The following BSPH1 variants were observed in gnomAD, a reference collection of about 807,000 sequenced individuals.
The protein encoded by BSPH1 is binder of sperm protein homolog 1, also known as binder of sperm 1.
BSPH1 carries 21 observed loss-of-function variants against 22.5 expected under a neutral mutation model. The ratio of observed to expected loss-of-function variants is 0.93; its 90% CI spans 0.66 to 1.35. BSPH1 has a LOEUF of 1.35. Among genes scored for constraint, BSPH1 ranks in the 40% most tolerant of loss-of-function variants. BSPH1 has a pLI of 0.00. For missense variants in BSPH1, 141 were observed against 154.2 expected (o/e 0.91, Z 0.45); for synonymous variants, 42 against 53.6 (o/e 0.78, Z 0.95).
chr19:47,979,833 T>C (rs1412368789), intron 2 of BSPH1, among the ~76,000 whole-genome samples: 1 of 152,112 alleles, frequency 6.6e-6, no homozygotes, highest in Non-Finnish European at 1.5e-5. Context: ...TTCTCACAAA[T>C]TTAATTCCAA....
At chr19:47,990,205 C>T (rs1382728311) in intron 1 of BSPH1, among the ~76,000 whole-genome samples, 1 of 150,438 alleles carries the variant, frequency 6.6e-6, no homozygotes, top group Non-Finnish European at 1.5e-5. Flanking sequence ...GAATAGGCAA[C>T]AGTTCTGCAG....
Position 47,977,499 on chromosome 19 carries a change from C to A in BSPH1, c.130G>T (p.Glu44Ter). ...ITHFPEVTDG[E>*]CVFPFHYKNG... is the part of the protein sequence containing the mutation. ...TTATAGTGGAATGGAAAGACACACTCCCCATCTAGAGAAAACAAAATTCTT... is the reference window on the plus strand; with the variant it reads ...TTATAGTGGAATGGAAAGACACACTACCCATCTAGAGAAAACAAAATTCTT... The change falls in exon 4 of 6, where the codon GAG becomes TAG. Residue 44 changes from glutamate to a stop codon, truncating the protein, a stop_gained. Transcript: ENST00000344839. LOFTEE classifies it high-confidence loss of function. 2 of 1,551,452 alleles carry A rather than the reference C, an allele frequency of 1.3e-6. No homozygotes were observed. Among genetic ancestry groups the A allele is most frequent in the Admixed American group, 2.0e-5 (1 of 50,980 alleles).
intron 2 of BSPH1, chr19:47,980,298 T>C (rs867846436): frequency 4.7e-4 from 76 of 161,342 alleles, no homozygotes; most frequent in African/African-American, 1.6e-3. Flanking sequence ...AGTATATAAA[T>C]AGATACGGAA....
chr19:47,991,609 C>A (rs1478687225), intron 1 of BSPH1, among the ~76,000 whole-genome samples: 2 of 88,484 alleles, frequency 2.3e-5, no homozygotes, highest in Non-Finnish European at 4.8e-5. Context: ...CTCCTCCTCC[C>A]CCTCTTCCTC....
At chr19:47,989,507 C>T (rs534682254) in intron 1 of BSPH1, among the ~76,000 whole-genome samples, 3 of 152,086 alleles carry the variant, frequency 2.0e-5, no homozygotes, top group African/African-American at 7.2e-5. Context: ...GGAACCATAG[C>T]TGAGAGCTCT....
rs757548658 is a variant in BSPH1 at position 47,974,255 on chromosome 19, TTC to T, written c.*2+2453_*2+2454del. ...TGGATTGGTCACTTCCACAGCCACT[TTC>T]TCTCTCTCTCTCTTTTTTTTTTTTT... On this transcript the variant is annotated intron_variant, in intron 5 of 5. Coordinates refer to ENST00000344839, the MANE Select transcript of BSPH1 (RefSeq NM_001128326.2). 8.1e-3 allele frequency among the ~76,000 whole-genome samples: 1,082 copies of T among 133,438 alleles called. 9 individuals carry two copies. The highest frequency in any genetic ancestry group is 0.012 in the Non-Finnish European group (810 of 66,210). The allele number at this position is 133,438 out of a possible 152,430, so 87.5% of individuals were successfully genotyped here.
chr19:47,990,016 G>A (rs1311355139), intron 1 of BSPH1, among the ~76,000 whole-genome samples: 2 of 151,420 alleles, frequency 1.3e-5, no homozygotes, highest in African/African-American at 4.9e-5. Flanking sequence ...CTACTCGGGA[G>A]GCTGAGGCAG....
At chr19:47,969,374 C>T (rs1234731715) in intron 5 of BSPH1, among the ~76,000 whole-genome samples, 1 of 152,056 alleles carries the variant, frequency 6.6e-6, no homozygotes, top group Non-Finnish European at 1.5e-5. Context: ...TCCAAGTAAA[C>T]AGATCCTTTA....
At chr19:47,981,898 T>G (rs1221311288) in intron 1 of BSPH1, 1 of 184,786 alleles carries the variant, frequency 5.4e-6, no homozygotes, top group Non-Finnish European at 1.0e-5. Context: ...TGGTTCCTGA[T>G]GAAGTGATTT....
chr19:47,975,453 C>G (rs1386483798), intron 5 of BSPH1, among the ~76,000 whole-genome samples: 7 of 152,200 alleles, frequency 4.6e-5, no homozygotes, highest in African/African-American at 1.4e-4. Context: ...GGGCACTCAC[C>G]ATGGACCAGC....
In BSPH1 at chr19:47,991,946, C is replaced by G. The variant is rs932261515; in HGVS notation, c.73+63G>C. ...CCCACCTTCTCCCTCCTTCCTTGCT[C>G]TCACTCTGCTCCAAAGTTAAGCTAT... On this transcript the variant is annotated intron_variant, in intron 1 of 5. Coordinates refer to ENST00000344839, the MANE Select transcript of BSPH1 (RefSeq NM_001128326.2). 1.4e-4 allele frequency: 152 copies of G among 1,108,312 alleles called. 1 individual carries two copies. Among genetic ancestry groups the G allele is most frequent in the Non-Finnish European group, 1.9e-4 (144 of 747,066 alleles). The allele number at this position is 1,108,312 out of a possible 1,614,324, so 68.7% of individuals were successfully genotyped here. A position where few individuals can be genotyped will look rare whatever the true frequency, so the allele number is the denominator to read the frequency against.
chr19:47,987,758 G>C (rs1334712693), intron 1 of BSPH1, among the ~76,000 whole-genome samples: 1 of 152,120 alleles, frequency 6.6e-6, no homozygotes, highest in Non-Finnish European at 1.5e-5. Flanking sequence ...TTGGAAGGCG[G>C]AGGTGGGCAG....
Position 47,976,620 on chromosome 19 carries a change from GA to G in BSPH1, c.*2+89del, listed in dbSNP as rs772271034. The G allele has an allele frequency of 2.1e-3, 1,405 of 662,326 alleles. 8 individuals carry two copies. Among genetic ancestry groups the G allele is most frequent in the Non-Finnish European group, 2.9e-3 (1,243 of 427,814 alleles). The allele number at this position is 662,326 out of a possible 1,614,324, so 41.0% of individuals were successfully genotyped here. ...AACAAAAAAAAACCCTCTCTAATGA[GA>G]AAGGGTTCTCCTCTGCCAACAAAAA... On this transcript the variant is annotated intron_variant, in intron 5 of 5. Transcript: ENST00000344839.
intron 4 of BSPH1, 58 bp from the exon 5 acceptor site, chr19:47,976,912 TCCA>T: frequency 6.7e-7 from 1 of 1,490,256 alleles, no homozygotes; most frequent in Non-Finnish European, 9.1e-7. Flanking sequence ...TGCACCCACC[TCCA>T]CCACACCATG....
At chr19:47,978,001 G>GATATATAT (rs10609973) in intron 3 of BSPH1, among the ~76,000 whole-genome samples, 10,629 of 109,784 alleles carry the variant, frequency 0.097, 703 homozygotes, top group Non-Finnish European at 0.12. Context: ...GTTAATACAG[G>GATATATAT]ATATATATAT....
chr19:47,981,396 C>T (rs1249701934), intron 1 of BSPH1, among the ~76,000 whole-genome samples: 1 of 152,132 alleles, frequency 6.6e-6, no homozygotes, highest in Non-Finnish European at 1.5e-5. Flanking sequence ...AAGAATGATA[C>T]CTCTGAGGTA....
intron 2 of BSPH1, chr19:47,980,318 C>G (rs1208221595): frequency 5.1e-6 from 1 of 195,506 alleles, no homozygotes; most frequent in Non-Finnish European, 9.3e-6. Context: ...AAAATTTGTA[C>G]TTCATTTTTA....
intron 5 of BSPH1, among the ~76,000 whole-genome samples, chr19:47,971,922 A>G (rs1016426597): frequency 6.6e-6 from 1 of 152,252 alleles, no homozygotes; most frequent in African/African-American, 2.4e-5. Context: ...CCTTGGAAAT[A>G]TAATTTGAAT....
chr19:47,983,561 A>G (rs1193780940), intron 1 of BSPH1, among the ~76,000 whole-genome samples: 1 of 152,136 alleles, frequency 6.6e-6, no homozygotes, highest in Non-Finnish European at 1.5e-5. Flanking sequence ...AACACAGTGC[A>G]CCATCCTCGG....
Sources: allele counts gnomAD v4.1 joint callset (sites outside exome capture counted in the v4.1 genomes callset), GRCh38; gene constraint gnomAD v4.1.1; transcripts MANE v1.5; gene names NCBI Gene and HGNC (gene_info 2026-07-23, HGNC 2026-07-21).